ZNF695: variants seen among roughly 807,000 people sequenced by gnomAD.
ZNF695 encodes zinc finger protein SBZF3.
A neutral mutation model predicts 11.2 loss-of-function variants in ZNF695; 11 were observed. The ratio of observed to expected loss-of-function variants is 0.98; its 90% confidence interval spans 0.62 to 1.62. The LOEUF is 1.62. Ranked by LOEUF, ZNF695 falls within the 40% of genes most tolerant of loss-of-function variation. The pLI is 0.00. For missense variants in ZNF695, 559 were observed against 590.5 expected (o/e 0.95, Z 0.55); for synonymous variants, 190 against 201.4 (o/e 0.94, Z 0.48).
In ZNF695 at chr1:246,986,066, T is replaced by G. The variant is rs1258182331; in HGVS notation, c.*901A>C. The G allele has an allele frequency of 1.0e-6, 1 of 975,884 alleles. No individual in the cohort carries two copies. The highest frequency in any genetic ancestry group is 1.8e-5 in the African/African-American group (1 of 57,018). 60.5% of individuals were successfully genotyped at this position (975,884 alleles called of 1,614,324 possible). On this transcript the variant is annotated 3_prime_UTR_variant, in exon 4 of 4. Transcript: ENST00000339986. ...TCAGTGCACCGAGTATACTTTATTA[T>G]TATGTTGTTATTATTATTATTGAGA...
exon 6 of ZNF695, chr1:246,945,682 G>T: frequency 1.0e-6 from 1 of 1,004,332 alleles, no homozygotes; most frequent in Non-Finnish European, 1.5e-6. Context: ...TTCTGTGGGA[G>T]GCATGTTTTA....
intron 1 of ZNF695, among the ~76,000 whole-genome samples, chr1:247,000,281 C>T (rs1291793882): frequency 2.6e-5 from 4 of 152,054 alleles, no homozygotes; most frequent in South Asian, 2.1e-4. Flanking sequence ...CCGAGGCAGG[C>T]GGATCACCAG....
intron 5 of ZNF695, chr1:246,967,329 T>C (rs1156712195): frequency 2.2e-6 from 1 of 456,108 alleles, no homozygotes; most frequent in Non-Finnish European, 4.4e-6. Context: ...AGGACAGCTG[T>C]TAGAAGACTG....
intron 5 of ZNF695, among the ~76,000 whole-genome samples, chr1:246,956,575 C>A (rs1480088406): frequency 6.6e-6 from 1 of 151,852 alleles, no homozygotes; most frequent in Non-Finnish European, 1.5e-5. Context: ...GAGATTGTGC[C>A]GCTGCACTCC....
downstream of ZNF695, among the ~76,000 whole-genome samples, chr1:246,984,152 CAAAAAAAAA>C (rs11321674): frequency 1.1e-5 from 1 of 91,646 alleles, no homozygotes; most frequent in Non-Finnish European, 2.0e-5. Context: ...ACCATGTCTC[CAAAAAAAAA>C]AAAAAAAAAG....
intron 5 of ZNF695, among the ~76,000 whole-genome samples, chr1:246,953,890 C>T (rs1314247699): frequency 6.7e-6 from 1 of 150,338 alleles, no homozygotes; most frequent in East Asian, 2.0e-4. Context: ...CACGCCACTG[C>T]ACTCCAGCCT....
At chr1:246,999,880 C>T (rs1367074978) in intron 2 of ZNF695, 32 bp downstream of exon 2, 3 of 1,607,252 alleles carry the variant, frequency 1.9e-6, no homozygotes, top group East Asian at 2.2e-5. Context: ...TCCCAGAAAA[C>T]ATTCTACAAA....
chr1:246,979,284 A>G (rs904482611), intron 4 of ZNF695, among the ~76,000 whole-genome samples: 15 of 151,776 alleles, frequency 9.9e-5, no homozygotes, highest in African/African-American at 3.1e-4. Context: ...GACATGGGGG[A>G]AGATGTGGAG....
chr1:246,979,631 C>A (rs1021071223), intron 4 of ZNF695, among the ~76,000 whole-genome samples: 2 of 152,120 alleles, frequency 1.3e-5, no homozygotes, highest in African/African-American at 4.8e-5. Flanking sequence ...AAATGAATTT[C>A]GCATTCCAAA....
At chr1:246,949,050 G>C (rs1667808033) in intron 5 of ZNF695, among the ~76,000 whole-genome samples, 3 of 152,136 alleles carry the variant, frequency 2.0e-5, no homozygotes, top group Admixed American at 2.0e-4. Context: ...ATATTTGCAT[G>C]ATATTTAAGG....
intron 3 of ZNF695, among the ~76,000 whole-genome samples, chr1:246,988,807 T>C (rs1473686726): frequency 6.6e-6 from 1 of 152,010 alleles, no homozygotes; most frequent in East Asian, 1.9e-4. Flanking sequence ...AATATGACAT[T>C]AGGCCGGGCG....
At chr1:246,945,941 G>C in intron 5 of ZNF695, 1 of 1,332,346 alleles carries the variant, frequency 7.5e-7, no homozygotes, top group Middle Eastern at 1.8e-4. Context: ...CATTGGAGAA[G>C]TCTGTCTGTC....
intron 1 of ZNF695, among the ~76,000 whole-genome samples, chr1:247,000,848 A>G (rs1233915161): frequency 1.3e-5 from 2 of 152,216 alleles, no homozygotes; most frequent in African/African-American, 2.4e-5. Context: ...GCAACCACAC[A>G]AACAAGTCTA....
intron 5 of ZNF695, among the ~76,000 whole-genome samples, chr1:246,966,424 T>C (rs1368969638): frequency 6.6e-6 from 1 of 151,920 alleles, no homozygotes; most frequent in Non-Finnish European, 1.5e-5. Context: ...GAGGTTGCAG[T>C]AGGCCAAGAT....
chr1:247,007,775 G>A (rs1377267479), intron 1 of ZNF695, 131 bp downstream of exon 1: 4 of 1,074,654 alleles, frequency 3.7e-6, no homozygotes, highest in Non-Finnish European at 5.0e-6. Flanking sequence ...AGCTGCGCCA[G>A]CGGGACTCGG....
At chr1:246,971,024 G>C (rs1325831350) in intron 4 of ZNF695, among the ~76,000 whole-genome samples, 1 of 152,164 alleles carries the variant, frequency 6.6e-6, no homozygotes, top group African/African-American at 2.4e-5. Context: ...AAAGACAGCT[G>C]GGCCCAGGGG....
At chr1:246,993,248 A>G (rs1406865312) in intron 3 of ZNF695, among the ~76,000 whole-genome samples, 1 of 152,146 alleles carries the variant, frequency 6.6e-6, no homozygotes, top group Non-Finnish European at 1.5e-5. Flanking sequence ...CTCTACTAAA[A>G]ATACAAAAAT....
Position 246,988,240 on chromosome 1 carries a change from A to C in ZNF695, c.275T>G (p.Leu92Arg), listed in dbSNP as rs1668916070. The C allele has an allele frequency of 6.4e-7, 1 of 1,559,548 alleles. No individual in the cohort carries two copies. Among genetic ancestry groups the C allele is most frequent in the Admixed American group, 2.1e-5 (1 of 47,422 alleles). ...CTGCTCTGGCAAAATGTCTTCAGTAAGATAAGAAGACAAAACTGGAAAAAA... is the reference window on the plus strand; with the variant it reads ...CTGCTCTGGCAAAATGTCTTCAGTACGATAAGAAGACAAAACTGGAAAAAA... ...TARHSVLSSY[L>R]TEDILPEQGL... The change falls in exon 4 of 4, where the codon CTT becomes CGT. Residue 92 changes from leucine (L) to arginine (R), a missense_variant. Leu to Arg is a moderately radical substitution (Grantham distance 102). Coordinates refer to ENST00000339986, the MANE Select transcript of ZNF695 (RefSeq NM_020394.5).
At chr1:247,007,174 C>T (rs1172996131) in intron 1 of ZNF695, among the ~76,000 whole-genome samples, 1 of 152,104 alleles carries the variant, frequency 6.6e-6, no homozygotes, top group Non-Finnish European at 1.5e-5. Flanking sequence ...GGAATAAACT[C>T]CTTAACATTT....
Sources: allele counts gnomAD v4.1 joint callset (sites outside exome capture counted in the v4.1 genomes callset), GRCh38; gene constraint gnomAD v4.1.1; transcripts MANE v1.5; gene names NCBI Gene and HGNC (gene_info 2026-07-23, HGNC 2026-07-21).